HSPA4: variants seen among roughly 807,000 people sequenced by gnomAD.
HSPA4 encodes the protein heat shock protein family A (Hsp70) member 4, also known as heat shock 70 kDa protein 4.
In HSPA4, 25 loss-of-function variants were observed where a neutral mutation model predicts 106.2. The observed-to-expected ratio is 0.24, with a 90% CI of 0.17 to 0.33. The LOEUF is 0.33. Ranked by LOEUF, HSPA4 falls within the 10% of genes least tolerant of loss-of-function variation. HSPA4 has a pLI of 1.00. For synonymous variants in HSPA4, 332 were observed against 333.6 expected, an observed-to-expected ratio of 1.00 and a Z score of 0.05; for missense variants, 841 against 996.0, an observed-to-expected ratio of 0.84 and a Z score of 2.10.
At chr5:133,083,230 T>C (rs757614901) in intron 7 of HSPA4, among the ~76,000 whole-genome samples, 1 of 151,860 alleles carries the variant, frequency 6.6e-6, no homozygotes. Flanking sequence ...GAGAATTGCT[T>C]GAACCTGGGA....
intron 7 of HSPA4, among the ~76,000 whole-genome samples, chr5:133,083,058 C>T (rs181689552): frequency 1.3e-5 from 2 of 151,422 alleles, no homozygotes; most frequent in African/African-American, 2.4e-5. Context: ...TTGCTTGGAC[C>T]CGGGAGGTGG....
intron 13 of HSPA4, among the ~76,000 whole-genome samples, chr5:133,095,662 A>C (rs946688998): frequency 1.3e-5 from 2 of 152,246 alleles, no homozygotes; most frequent in African/African-American, 4.8e-5. Context: ...TAAAGGTAGA[A>C]AAATTTTTAA....
chr5:133,093,228 T>C (rs1211948894), intron 13 of HSPA4, among the ~76,000 whole-genome samples: 1 of 152,150 alleles, frequency 6.6e-6, no homozygotes, highest in Non-Finnish European at 1.5e-5. Context: ...AAACTCTTAA[T>C]TTATTTGAAC....
chr5:133,074,283 C>CT (rs200933492), intron 6 of HSPA4, among the ~76,000 whole-genome samples, 157 bp downstream of exon 6: 176 of 143,882 alleles, frequency 1.2e-3, no homozygotes, highest in Middle Eastern at 3.5e-3. Context: ...TTTTTTTTCT[C>CT]TTTTTTTTTT....
intron 2 of HSPA4, among the ~76,000 whole-genome samples, chr5:133,066,292 T>A (rs1182603894): frequency 6.6e-6 from 1 of 152,192 alleles, no homozygotes; most frequent in Non-Finnish European, 1.5e-5. Context: ...GTGTGTTCCC[T>A]TTCATCTAGT....
rs111902150 is a variant in HSPA4 at position 133,090,025 on chromosome 5, C to T, written c.1378+330C>T. On this transcript the variant is annotated intron_variant, in intron 11 of 18. Coordinates refer to ENST00000304858, the MANE Select transcript of HSPA4 (RefSeq NM_002154.4). ...TATTTAATTGGATCTCCCATTGTAT[C>T]GGCAGTTTTTCTTGGTTAGCGCACA... 6.9e-4 allele frequency among the ~76,000 whole-genome samples: 105 copies of T among 152,250 alleles called. 1 individual carries two copies. Among genetic ancestry groups the T allele is most frequent in the African/African-American group, 2.2e-3 (93 of 41,532 alleles).
intron 7 of HSPA4, among the ~76,000 whole-genome samples, chr5:133,079,255 A>G (rs1200623345): frequency 6.6e-6 from 1 of 152,118 alleles, no homozygotes; most frequent in Non-Finnish European, 1.5e-5. Context: ...CATTTTCATC[A>G]CCCCAGAATA....
intron 11 of HSPA4, 34 bp from the exon 12 acceptor site, chr5:133,091,159 G>A: frequency 5.8e-6 from 9 of 1,550,454 alleles, no homozygotes; most frequent in South Asian, 1.1e-5. Context: ...ATCCTCTTAG[G>A]TTATGTGTTC....
intron 1 of HSPA4, among the ~76,000 whole-genome samples, chr5:133,062,070 G>C (rs1417648539): frequency 6.6e-6 from 1 of 152,146 alleles, no homozygotes; most frequent in Non-Finnish European, 1.5e-5. Context: ...AGGAAGATTG[G>C]GATACTTTAT....
In HSPA4 at chr5:133,052,082, C is replaced by A. The variant is rs1402195633; in HGVS notation, c.-169C>A. On this transcript the variant is annotated 5_prime_UTR_variant, in exon 1 of 19. Transcript: ENST00000304858. ...TGAGCCGGAGCCGGCCTGAGCAGCG[C>A]TCTCGGTTGCAGTACCCACTGGAAG... 1 of 570,062 alleles carries A rather than the reference C, an allele frequency of 1.8e-6. No individual in the cohort carries two copies. The highest frequency in any genetic ancestry group is 3.1e-6 in the Non-Finnish European group (1 of 321,396). The allele number at this position is 570,062 out of a possible 1,614,324, so 35.3% of individuals were successfully genotyped here.
At chr5:133,054,351 C>T (rs780751485) in intron 1 of HSPA4, among the ~76,000 whole-genome samples, 36 of 152,126 alleles carry the variant, frequency 2.4e-4, no homozygotes, top group African/African-American at 3.4e-4. Context: ...TACAGGTGTG[C>T]GCCACCACGC....
At chr5:133,073,896 A>G (rs1765415313) in intron 5 of HSPA4, 97 bp from the exon 6 acceptor site, 6 of 668,606 alleles carry the variant, frequency 9.0e-6, no homozygotes, top group South Asian at 2.6e-5. Context: ...TAACACATGT[A>G]GTTGCATTCG....
Position 133,063,731 on chromosome 5 carries a change from C to A in HSPA4, c.108-1249C>A, listed in dbSNP as rs865836408. Among the ~76,000 whole-genome samples the A allele has an allele frequency of 6.0e-5, 9 of 149,324 alleles. No homozygotes were observed. The South Asian group carries it at 1.9e-3, about 32-fold the overall frequency. On this transcript the variant is annotated intron_variant, in intron 1 of 18. Coordinates refer to ENST00000304858, the MANE Select transcript of HSPA4 (RefSeq NM_002154.4). ...TACAGGCATGAGCCACCACGCTCGG[C>A]CAAAATTTACTTATACTTATTAATG...
intron 1 of HSPA4, among the ~76,000 whole-genome samples, chr5:133,061,335 G>C (rs1410266876): frequency 1.3e-5 from 2 of 151,728 alleles, no homozygotes; most frequent in Non-Finnish European, 2.9e-5. Flanking sequence ...TGTTAGCCAG[G>C]ATGGTCTCGA....
intron 13 of HSPA4, among the ~76,000 whole-genome samples, chr5:133,095,408 A>C (rs946762493): frequency 2.6e-5 from 4 of 152,230 alleles, no homozygotes; most frequent in Admixed American, 2.0e-4. Context: ...GTTTGAGGAA[A>C]TAGTTACATA....
chr5:133,066,729 CTTTT>C (rs1561577482), intron 2 of HSPA4, among the ~76,000 whole-genome samples: 2 of 132,122 alleles, frequency 1.5e-5, no homozygotes, highest in South Asian at 2.5e-4. Flanking sequence ...TTTTTCTTTT[CTTTT>C]TTCTTTTTTT....
intron 15 of HSPA4, among the ~76,000 whole-genome samples, chr5:133,099,259 A>G (rs1026040258): frequency 6.6e-6 from 1 of 151,894 alleles, no homozygotes; most frequent in African/African-American, 2.4e-5. Context: ...CCTTTGTAGT[A>G]GCTGGGATTA....
At chr5:133,079,671 T>C (rs1703332467) in intron 7 of HSPA4, among the ~76,000 whole-genome samples, 1 of 152,242 alleles carries the variant, frequency 6.6e-6, no homozygotes, top group Non-Finnish European at 1.5e-5. Context: ...AGCAATTCTA[T>C]GTTTAACTTT....
intron 1 of HSPA4, among the ~76,000 whole-genome samples, chr5:133,063,782 A>G (rs1216500211): frequency 1.3e-5 from 2 of 149,798 alleles, no homozygotes; most frequent in Non-Finnish European, 3.0e-5. Flanking sequence ...TTTGTTTTTG[A>G]GATAGGGTCT....
Sources: allele counts gnomAD v4.1 joint callset (sites outside exome capture counted in the v4.1 genomes callset), GRCh38; gene constraint gnomAD v4.1.1; transcripts MANE v1.5; gene names NCBI Gene and HGNC (gene_info 2026-07-23, HGNC 2026-07-21).